The following LDLRAD3 variants were observed in gnomAD, a reference collection of about 807,000 sequenced individuals.
LDLRAD3 encodes the protein low density lipoprotein receptor class A domain containing 3, also known as low-density lipoprotein receptor class A domain-containing protein 3.
In LDLRAD3, 20 loss-of-function variants were observed where a neutral mutation model predicts 29.4. That is an observed-to-expected ratio of 0.68 (90% CI 0.48 to 0.99). The LOEUF (loss-of-function observed/expected upper bound fraction) is 0.99. Ranked by LOEUF, LDLRAD3 falls within the 50% of genes least tolerant of loss-of-function variation. The probability of loss-of-function intolerance (pLI) is 0.00; values close to 1 mark genes in which losing one functional copy is unlikely to be tolerated. For missense variants in LDLRAD3, 420 were observed against 454.3 expected (o/e 0.92, Z 0.69); for synonymous variants, 157 against 192.7 (o/e 0.81, Z 1.53).
At chr11:36,147,180 T>C (rs1298077836) in intron 4 of LDLRAD3, among the ~76,000 whole-genome samples, 1 of 134,596 alleles carries the variant, frequency 7.4e-6, no homozygotes, top group Non-Finnish European at 1.5e-5. Flanking sequence ...TGCAGTGGCA[T>C]GATCTCGGCT....
rs1854173450 is a variant in LDLRAD3 at position 36,145,383 on chromosome 11, G to A, written c.454+46922G>A. Among the ~76,000 whole-genome samples, 5 of 100,568 alleles carry A rather than the reference G, an allele frequency of 5.0e-5. 1 individual carries two copies. In the South Asian group the frequency reaches 1.4e-3, roughly 29 times the overall value. 66.0% of individuals were successfully genotyped at this position (100,568 alleles called of 152,430 possible). A position where few individuals can be genotyped will look rare whatever the true frequency, so the allele number is the denominator to read the frequency against. On this transcript the variant is annotated intron_variant, in intron 4 of 5. Transcript: ENST00000315571. ...AGCCGCCCCGTCTGGGAGGGAGGTG[G>A]GGGGGTCAGCCCCCCGCCCAGCCAG... is the stretch of plus-strand genomic sequence containing the variant.
chr11:36,192,970 G>C (rs1854978147), intron 4 of LDLRAD3, among the ~76,000 whole-genome samples: 1 of 152,190 alleles, frequency 6.6e-6, no homozygotes, highest in African/African-American at 2.4e-5. Flanking sequence ...TCACTTCCCT[G>C]ATCCTCCATT....
At chr11:36,000,327 G>A (rs1590197811) in intron 1 of LDLRAD3, among the ~76,000 whole-genome samples, 1 of 150,640 alleles carries the variant, frequency 6.6e-6, no homozygotes. Flanking sequence ...AGTGTTTTAT[G>A]TCTGTACACA....
intron 2 of LDLRAD3, among the ~76,000 whole-genome samples, chr11:36,036,816 T>C (rs1481797317): frequency 6.6e-6 from 1 of 152,212 alleles, no homozygotes; most frequent in Non-Finnish European, 1.5e-5. Context: ...GGACATCATC[T>C]TCTAATGGGC....
At chr11:35,948,289 G>A (rs983117825) in intron 1 of LDLRAD3, among the ~76,000 whole-genome samples, 4 of 152,236 alleles carry the variant, frequency 2.6e-5, no homozygotes, top group East Asian at 1.9e-4. Flanking sequence ...ATCTATTTTT[G>A]GTTGTTGGGT....
At chr11:36,143,666 C>G (rs1008140675) in intron 4 of LDLRAD3, among the ~76,000 whole-genome samples, 20 of 152,234 alleles carry the variant, frequency 1.3e-4, no homozygotes. Context: ...GCTTAAATAA[C>G]GGAAATGCAT....
At chr11:36,129,948 T>C (rs938864945) in intron 4 of LDLRAD3, among the ~76,000 whole-genome samples, 5 of 152,234 alleles carry the variant, frequency 3.3e-5, no homozygotes, top group Non-Finnish European at 5.9e-5. Flanking sequence ...CTCTGTAAGA[T>C]AAAAGCTCCA....
intron 1 of LDLRAD3, among the ~76,000 whole-genome samples, chr11:35,999,709 G>T (rs186879933): frequency 2.6e-5 from 4 of 152,280 alleles, no homozygotes; most frequent in Admixed American, 2.0e-4. Context: ...GTCTTTTCTG[G>T]AGCTCCACGT....
intron 4 of LDLRAD3, among the ~76,000 whole-genome samples, chr11:36,154,936 C>G (rs1264057349): frequency 6.6e-6 from 1 of 152,206 alleles, no homozygotes; most frequent in Non-Finnish European, 1.5e-5. Flanking sequence ...GTCTGCTTCT[C>G]TCTCTCCCTT....
At chr11:36,077,034 A>G (rs181267635) in intron 2 of LDLRAD3, among the ~76,000 whole-genome samples, 2 of 152,180 alleles carry the variant, frequency 1.3e-5, no homozygotes, top group Admixed American at 1.3e-4. Context: ...TTAAGTGTTT[A>G]TTTTTGGGGT....
intron 4 of LDLRAD3, among the ~76,000 whole-genome samples, chr11:36,211,967 C>T (rs1446207668): frequency 6.6e-6 from 1 of 152,194 alleles, no homozygotes; most frequent in African/African-American, 2.4e-5. Context: ...GGACCAGAAA[C>T]CAACTGACCA....
intron 3 of LDLRAD3, among the ~76,000 whole-genome samples, chr11:36,083,432 G>T (rs759207647): frequency 5.3e-5 from 8 of 151,984 alleles, no homozygotes; most frequent in Non-Finnish European, 1.2e-4. Context: ...CCCATATCCC[G>T]TAAGTTAGAA....
At chr11:36,081,197 G>A (rs1001223259) in intron 2 of LDLRAD3, among the ~76,000 whole-genome samples, 2 of 152,170 alleles carry the variant, frequency 1.3e-5, no homozygotes, top group African/African-American at 2.4e-5. Context: ...ATCCCATTGG[G>A]TGATTGCTGG....
rs575861204 is a variant in LDLRAD3, at chr11:36,077,100, A to C, written c.194-4553A>C. 2.4e-4 allele frequency among the ~76,000 whole-genome samples: 37 copies of C among 152,322 alleles called. 2 individuals are homozygous for C. The South Asian group carries it at 7.5e-3, about 31-fold the overall frequency. ...ACACTGCTCTGAGTATATTTACACA[A>C]GTATATGTTAAGTCAGATAGATATA... is the stretch of plus-strand genomic sequence containing the variant. On this transcript the variant is annotated intron_variant, in intron 2 of 5. Transcript: ENST00000315571.
chr11:36,038,660 G>A (rs1265695260), intron 2 of LDLRAD3, among the ~76,000 whole-genome samples: 1 of 152,128 alleles, frequency 6.6e-6, no homozygotes, highest in Admixed American at 6.5e-5. Flanking sequence ...AGATGTTGCC[G>A]GCAGCTGCCT....
chr11:36,136,979 C>T (rs1198470322), intron 4 of LDLRAD3, among the ~76,000 whole-genome samples: 1 of 152,206 alleles, frequency 6.6e-6, no homozygotes, highest in Non-Finnish European at 1.5e-5. Context: ...GCATGAGCCA[C>T]CGCACCCAGC....
At chr11:35,983,467 T>A (rs1265430264) in intron 1 of LDLRAD3, among the ~76,000 whole-genome samples, 1 of 152,170 alleles carries the variant, frequency 6.6e-6, no homozygotes, top group African/African-American at 2.4e-5. Flanking sequence ...ATTGAAGGTT[T>A]GGAAGGAGGT....
intron 4 of LDLRAD3, among the ~76,000 whole-genome samples, chr11:36,166,382 G>C (rs1854516843): frequency 6.6e-6 from 1 of 152,144 alleles, no homozygotes; most frequent in African/African-American, 2.4e-5. Flanking sequence ...AAGGGGGAAA[G>C]GTGACCTGGA....
At position 35,944,646 on chromosome 11, in the gene LDLRAD3, T is replaced by C. The variant is rs954191839; in HGVS notation, c.46+502T>C. Among the ~76,000 whole-genome samples the C allele has an allele frequency of 1.3e-5, 2 of 152,092 alleles. No individual in the cohort carries two copies. The highest frequency in any genetic ancestry group is 4.8e-5 in the African/African-American group (2 of 41,416). ...TTCCCCACCTGCACCGCGGAGGGAG[T>C]AGCAAAGCTGCTTCCTTTCATTCCT... On this transcript the variant is annotated intron_variant, in intron 1 of 5. Transcript: ENST00000315571. The surrounding 1 kb of genome is among the most constrained non-coding windows in gnomAD (Gnocchi z 4.9).
Sources: allele counts gnomAD v4.1 joint callset (sites outside exome capture counted in the v4.1 genomes callset), GRCh38; gene constraint gnomAD v4.1.1; non-coding constraint Gnocchi (gnomAD v3.1); transcripts MANE v1.5; gene names NCBI Gene and HGNC (gene_info 2026-07-23, HGNC 2026-07-21).